The following TICAM2 variants were observed in gnomAD, a reference collection of about 807,000 sequenced individuals.
The protein encoded by TICAM2 is TIR domain-containing adapter molecule 2.
TICAM2 carries 8 observed loss-of-function variants against 7.3 expected under a neutral mutation model. The observed-to-expected ratio is 1.10, with a 90% confidence interval of 0.65 to 1.99. The LOEUF (loss-of-function observed/expected upper bound fraction) is 1.99, where lower values mean the gene tolerates loss of function less well. TICAM2 is among the 30% of genes most tolerant of loss of function. TICAM2 has a pLI of 0.00. For synonymous variants in TICAM2, 113 were observed against 99.6 expected, an observed-to-expected ratio of 1.13 and a Z score of -0.80; for missense variants, 304 against 278.8, an observed-to-expected ratio of 1.09 and a Z score of -0.65.
At chr5:115,593,694 A>T (rs571229780) in intron 1 of TICAM2, among the ~76,000 whole-genome samples, 106 of 152,324 alleles carry the variant, frequency 7.0e-4, no homozygotes, top group African/African-American at 2.4e-3. Flanking sequence ...TTTCTATGGA[A>T]ATATAAAGAG....
At chr5:115,587,968 A>C (rs1338510547) in intron 1 of TICAM2, among the ~76,000 whole-genome samples, 1 of 152,194 alleles carries the variant, frequency 6.6e-6, no homozygotes, top group East Asian at 1.9e-4. Context: ...CAGGAACAGC[A>C]TGAAAATCAG....
intron 1 of TICAM2, among the ~76,000 whole-genome samples, chr5:115,599,913 G>A (rs1333285697): frequency 8.0e-6 from 1 of 124,600 alleles, no homozygotes; most frequent in Non-Finnish European, 1.8e-5. Flanking sequence ...GGTTTTGAAG[G>A]GAAATGAAAG....
At chr5:115,583,405 T>A (rs1408837043) in intron 1 of TICAM2, among the ~76,000 whole-genome samples, 1 of 152,152 alleles carries the variant, frequency 6.6e-6, no homozygotes, top group African/African-American at 2.4e-5. Flanking sequence ...TCTTTTAAAA[T>A]AAAAACAAAG....
Position 115,578,907 on chromosome 5 carries a change from T to C in TICAM2, c.*1642A>G, listed in dbSNP as rs1383353453. 5 of 152,724 alleles carry C rather than the reference T, an allele frequency of 3.3e-5. No individual in the cohort carries two copies. The highest frequency in any genetic ancestry group is 1.9e-4 in the East Asian group (1 of 5,190). 9.5% of individuals were successfully genotyped at this position (152,724 alleles called of 1,614,324 possible). A position where few individuals can be genotyped will look rare whatever the true frequency, so the allele number is the denominator to read the frequency against. ...CCTCCTCTAATAAGTACTAACAGAA[T>C]AGGAGGCTTGACTTACTTGCATGCT... On this transcript the variant is annotated 3_prime_UTR_variant, in exon 2 of 2. Transcript: ENST00000427199.
At chr5:115,588,104 G>GA (rs1258652239) in intron 1 of TICAM2, among the ~76,000 whole-genome samples, 2 of 152,188 alleles carry the variant, frequency 1.3e-5, no homozygotes, top group Admixed American at 6.5e-5. Context: ...GGTTGGCTGA[G>GA]AGGGAAAGGA....
At chr5:115,588,038 C>T (rs1235747569) in intron 1 of TICAM2, among the ~76,000 whole-genome samples, 1 of 152,064 alleles carries the variant, frequency 6.6e-6, no homozygotes, top group East Asian at 1.9e-4. Flanking sequence ...TCAGCACCCA[C>T]GGCTGCCAAG....
At chr5:115,582,887 C>CAT (rs5870661) in intron 1 of TICAM2, among the ~76,000 whole-genome samples, 107,239 of 151,926 alleles carry the variant, frequency 0.71, 39,092 homozygotes, top group African/African-American at 0.9. Flanking sequence ...AGGAAAAAAA[C>CAT]AGAGAATTTC....
At chr5:115,599,062 CAAA>C (rs200920989) in intron 1 of TICAM2, among the ~76,000 whole-genome samples, 13 of 78,524 alleles carry the variant, frequency 1.7e-4, no homozygotes, top group Admixed American at 4.2e-4. Context: ...GACCTTGTCT[CAAA>C]AAAAAAAAAA....
At chr5:115,592,243 C>A (rs1194706072) in intron 1 of TICAM2, among the ~76,000 whole-genome samples, 2 of 152,120 alleles carry the variant, frequency 1.3e-5, no homozygotes, top group East Asian at 3.8e-4. Context: ...AAGATTATGA[C>A]CAATCATATA....
intron 1 of TICAM2, among the ~76,000 whole-genome samples, chr5:115,587,489 C>T (rs1755148206): frequency 1.3e-5 from 2 of 152,102 alleles, no homozygotes; most frequent in Admixed American, 6.6e-5. Flanking sequence ...CTGGAAGATG[C>T]TAGACTGGGA....
intron 1 of TICAM2, among the ~76,000 whole-genome samples, chr5:115,587,274 G>C (rs1031957207): frequency 5.3e-5 from 8 of 152,168 alleles, no homozygotes; most frequent in Non-Finnish European, 1.2e-4. Flanking sequence ...ACTTGACACA[G>C]GTTAAAATAG....
At chr5:115,592,217 C>T (rs904873484) in intron 1 of TICAM2, among the ~76,000 whole-genome samples, 2 of 151,946 alleles carry the variant, frequency 1.3e-5, no homozygotes, top group Non-Finnish European at 2.9e-5. Flanking sequence ...TCTTGCAGAC[C>T]GTAAAATGTA....
chr5:115,595,315 C>A (rs1195144289), intron 1 of TICAM2, among the ~76,000 whole-genome samples: 2 of 152,096 alleles, frequency 1.3e-5, no homozygotes, highest in Non-Finnish European at 2.9e-5. Context: ...ACAAATTATT[C>A]TCATATTCTT....
chr5:115,598,769 C>T (rs1487133557), intron 1 of TICAM2, among the ~76,000 whole-genome samples: 1 of 151,980 alleles, frequency 6.6e-6, no homozygotes, highest in East Asian at 1.9e-4. Context: ...AAGGAATTTT[C>T]TTCTTTTCTT....
At chr5:115,595,621 T>C (rs192122908) in intron 1 of TICAM2, among the ~76,000 whole-genome samples, 3 of 152,328 alleles carry the variant, frequency 2.0e-5, no homozygotes, top group Non-Finnish European at 4.4e-5. Flanking sequence ...CCTTTGATAA[T>C]ACCCTAATGC....
chr5:115,585,060 G>A (rs1580407424), intron 1 of TICAM2, among the ~76,000 whole-genome samples: 1 of 152,186 alleles, frequency 6.6e-6, no homozygotes, highest in Non-Finnish European at 1.5e-5. Context: ...CTGCCTGAGT[G>A]TAAATCTCCT....
rs1265540808 is a variant in TICAM2, at chr5:115,580,396, G to A, written c.*153C>T. 9.7e-7 allele frequency: 1 copy of A among 1,025,864 alleles called. No homozygotes were observed. The highest frequency in any genetic ancestry group is 1.7e-5 in the African/African-American group (1 of 58,948). The allele number at this position is 1,025,864 out of a possible 1,614,324, so 63.5% of individuals were successfully genotyped here. A position where few individuals can be genotyped will look rare whatever the true frequency, so the allele number is the denominator to read the frequency against. ...AAAAAGTACCACAATTTTATAGGCT[G>A]TCCTGCAGAAATTTATCTTTCTTGT... On this transcript the variant is annotated 3_prime_UTR_variant, in exon 2 of 2. Transcript: ENST00000427199.
At chr5:115,583,613 G>A (rs943011706) in intron 1 of TICAM2, among the ~76,000 whole-genome samples, 2 of 152,142 alleles carry the variant, frequency 1.3e-5, no homozygotes, top group African/African-American at 2.4e-5. Flanking sequence ...GACTGCCAAG[G>A]GAACAAGCTG....
intron 1 of TICAM2, among the ~76,000 whole-genome samples, chr5:115,598,887 C>T (rs1287351521): frequency 1.3e-5 from 2 of 151,824 alleles, no homozygotes; most frequent in Non-Finnish European, 2.9e-5. Context: ...GTTGCTACAC[C>T]TCTTCATAAA....
Sources: gnomAD v4.1 joint callset for allele counts (sites outside exome capture counted in the v4.1 genomes callset) on GRCh38, gnomAD v4.1.1 for gene constraint, MANE v1.5 for transcripts, NCBI Gene and HGNC (gene_info 2026-07-23, HGNC 2026-07-21) for gene names.